PDIA5: variants seen among roughly 807,000 people sequenced by gnomAD.
PDIA5 encodes the protein protein disulfide isomerase family A member 5, also known as protein disulfide-isomerase A5.
PDIA5 carries 58 observed loss-of-function variants against 77.6 expected under a neutral mutation model. The ratio of observed to expected loss-of-function variants is 0.75; its 90% confidence interval spans 0.61 to 0.93. PDIA5 has a LOEUF of 0.93. Ranked by LOEUF, PDIA5 falls within the 40% of genes least tolerant of loss-of-function variation. PDIA5 has a pLI of 0.00. For missense variants in PDIA5, 630 were observed against 647.7 expected, an observed-to-expected ratio of 0.97 and a Z score of 0.30; for synonymous variants, 250 against 252.1, an observed-to-expected ratio of 0.99 and a Z score of 0.08.
At chr3:123,078,637 A>G (rs1477412526) in intron 1 of PDIA5, among the ~76,000 whole-genome samples, 1 of 152,156 alleles carries the variant, frequency 6.6e-6, no homozygotes, top group East Asian at 1.9e-4. Context: ...ACACAAAGAC[A>G]TTCTCTTATG....
At chr3:123,141,868 G>T (rs938637237) in intron 11 of PDIA5, among the ~76,000 whole-genome samples, 1 of 152,150 alleles carries the variant, frequency 6.6e-6, no homozygotes, top group Non-Finnish European at 1.5e-5. Flanking sequence ...TCTAAGCCTG[G>T]GCCCCTGTGC....
At chr3:123,083,250 T>G (rs1934058359) in intron 1 of PDIA5, among the ~76,000 whole-genome samples, 2 of 150,662 alleles carry the variant, frequency 1.3e-5, no homozygotes, top group Non-Finnish European at 3.0e-5. Context: ...GTGAGGGGGT[T>G]TGGAGGTTAG....
chr3:123,143,197 A>T (rs1045936820), intron 11 of PDIA5, among the ~76,000 whole-genome samples: 6 of 151,888 alleles, frequency 4.0e-5, no homozygotes, highest in African/African-American at 1.5e-4. Flanking sequence ...CATCCTGGCT[A>T]ACACAGTGAA....
At chr3:123,158,748 C>A (rs1195448523) in intron 15 of PDIA5, among the ~76,000 whole-genome samples, 2 of 152,158 alleles carry the variant, frequency 1.3e-5, no homozygotes, top group Non-Finnish European at 2.9e-5. Context: ...GCAGCGTGTG[C>A]CCCAGGATTT....
intron 3 of PDIA5, among the ~76,000 whole-genome samples, chr3:123,094,774 A>G (rs960227065): frequency 6.6e-6 from 1 of 152,240 alleles, no homozygotes; most frequent in African/African-American, 2.4e-5. Context: ...GTAGCCAGCC[A>G]GAGCTTGCCT....
intron 1 of PDIA5, among the ~76,000 whole-genome samples, chr3:123,076,477 C>G (rs1484931612): frequency 6.6e-6 from 1 of 152,130 alleles, no homozygotes; most frequent in Non-Finnish European, 1.5e-5. Context: ...CTGATGTTTT[C>G]TAGTCAATGT....
At chr3:123,105,320 C>G (rs568033868) in intron 5 of PDIA5, among the ~76,000 whole-genome samples, 10 of 152,322 alleles carry the variant, frequency 6.6e-5, no homozygotes, top group African/African-American at 2.4e-4. Flanking sequence ...ATTTCTGGAA[C>G]CCCAGGCAGG....
chr3:123,152,658 C>T (rs1021386601), intron 14 of PDIA5, among the ~76,000 whole-genome samples: 2 of 152,204 alleles, frequency 1.3e-5, no homozygotes, highest in Admixed American at 6.5e-5. Flanking sequence ...AGCATACCCA[C>T]ACGTTCCTGC....
intron 1 of PDIA5, among the ~76,000 whole-genome samples, chr3:123,085,344 C>A (rs1934110436): frequency 6.6e-6 from 1 of 152,134 alleles, no homozygotes. Flanking sequence ...ACCGGATTGG[C>A]TATGGGTGAT....
intron 7 of PDIA5, among the ~76,000 whole-genome samples, chr3:123,115,643 C>T (rs577580395): frequency 2.0e-5 from 3 of 151,958 alleles, no homozygotes; most frequent in African/African-American, 7.2e-5. Context: ...CATGGCATCC[C>T]GATTCCTGGC....
intron 11 of PDIA5, among the ~76,000 whole-genome samples, chr3:123,141,346 A>G (rs1576461025): frequency 6.6e-6 from 1 of 152,250 alleles, no homozygotes; most frequent in East Asian, 1.9e-4. Context: ...GAGGCCACCC[A>G]GGGCCTCATG....
At chr3:123,121,684 G>A (rs1935126046) in intron 8 of PDIA5, among the ~76,000 whole-genome samples, 1 of 152,196 alleles carries the variant, frequency 6.6e-6, no homozygotes, top group Admixed American at 6.5e-5. Flanking sequence ...GGGACTGGAA[G>A]GCACCAAGTG....
chr3:123,135,708 GAA>G (rs1426212988), intron 11 of PDIA5, among the ~76,000 whole-genome samples: 1 of 138,342 alleles, frequency 7.2e-6, no homozygotes, highest in Non-Finnish European at 1.5e-5. Context: ...ATTAAGGAAA[GAA>G]ACTACCTATA....
At chr3:123,150,679 A>G (rs1935872552) in intron 14 of PDIA5, among the ~76,000 whole-genome samples, 1 of 149,564 alleles carries the variant, frequency 6.7e-6, no homozygotes, top group Non-Finnish European at 1.5e-5. Context: ...CTACCTGCAC[A>G]CTTCCCACCC....
intron 7 of PDIA5, 135 bp from the exon 8 acceptor site, chr3:123,116,096 T>C: frequency 1.4e-6 from 1 of 737,660 alleles, no homozygotes. Context: ...GTCCCCAGGG[T>C]CTGGAATAGT....
chr3:123,116,372 G>T, intron 8 of PDIA5, 74 bp downstream of exon 8: 2 of 1,100,530 alleles, frequency 1.8e-6, no homozygotes, highest in Non-Finnish European at 2.8e-6. Context: ...CAGGGGTGGG[G>T]TGGGGACAGG....
intron 1 of PDIA5, among the ~76,000 whole-genome samples, chr3:123,087,496 AC>A (rs1934172980): frequency 6.8e-6 from 1 of 146,586 alleles, no homozygotes; most frequent in African/African-American, 2.5e-5. Flanking sequence ...TCTACTTCCA[AC>A]CCTAATTATT....
intron 13 of PDIA5, among the ~76,000 whole-genome samples, chr3:123,147,743 G>A (rs1460271202): frequency 1.3e-5 from 2 of 152,230 alleles, no homozygotes; most frequent in Non-Finnish European, 2.9e-5. Context: ...AAGGCACAAG[G>A]TGCTTGCTTA....
At chr3:123,129,412 C>T (rs1379424938) in intron 10 of PDIA5, among the ~76,000 whole-genome samples, 2 of 152,222 alleles carry the variant, frequency 1.3e-5, no homozygotes, top group Admixed American at 1.3e-4. Flanking sequence ...CGACATCATA[C>T]CCGGCTGCGG....
Sources: allele counts gnomAD v4.1 joint callset (sites outside exome capture counted in the v4.1 genomes callset), GRCh38; gene constraint gnomAD v4.1.1; transcripts MANE v1.5; gene names NCBI Gene and HGNC (gene_info 2026-07-23, HGNC 2026-07-21).